Variants in KLHL1 observed in about 807,000 individuals in gnomAD.
The protein encoded by KLHL1 is kelch-like protein 1.
Under a neutral mutation model 77.7 loss-of-function variants are expected in KLHL1, and 47 were observed. The ratio of observed to expected loss-of-function variants is 0.60; its 90% CI spans 0.48 to 0.77. KLHL1 has a LOEUF of 0.77. Among genes scored for constraint, KLHL1 ranks in the 30% least tolerant of loss-of-function variants. The probability of loss-of-function intolerance (pLI) is 0.00; values close to 1 mark genes in which losing one functional copy is unlikely to be tolerated. For synonymous variants in KLHL1, 360 were observed against 325.2 expected (o/e 1.11, Z -1.15); for missense variants, 925 against 910.8 (o/e 1.02, Z -0.20).
At chr13:69,854,164 G>T (rs892292400) in intron 5 of KLHL1, among the ~76,000 whole-genome samples, 6 of 152,040 alleles carry the variant, frequency 3.9e-5, no homozygotes, top group Non-Finnish European at 7.4e-5. Flanking sequence ...TGCTAGAATT[G>T]AATACCTGAG....
Position 69,739,467 on chromosome 13 carries a change from A to G in KLHL1, c.1802+927T>C, listed in dbSNP as rs115363760. ...AAAGACACAGAATGGCAAGCTGGAT[A>G]GAGTCAAGATTCATTGGTGTGCTGT... On this transcript the variant is annotated intron_variant, in intron 8 of 10. Coordinates refer to ENST00000377844, the MANE Select transcript of KLHL1 (RefSeq NM_020866.3). 6.3e-3 allele frequency among the ~76,000 whole-genome samples: 954 copies of G among 152,338 alleles called. 7 individuals are homozygous for G. Among genetic ancestry groups the G allele is most frequent in the African/African-American group, 0.022 (898 of 41,572 alleles).
At chr13:69,927,955 T>C (rs1042217382) in intron 4 of KLHL1, among the ~76,000 whole-genome samples, 2 of 152,234 alleles carry the variant, frequency 1.3e-5, no homozygotes, top group African/African-American at 4.8e-5. Context: ...GCAGTCAAGC[T>C]ATCCTCACAG....
chr13:69,868,466 C>T (rs1880456229), intron 5 of KLHL1, among the ~76,000 whole-genome samples: 1 of 151,840 alleles, frequency 6.6e-6, no homozygotes, highest in Non-Finnish European at 1.5e-5. Flanking sequence ...CAGTAAACAA[C>T]AATTATGTAA....
chr13:69,705,407 T>C (rs542550289), intron 10 of KLHL1, among the ~76,000 whole-genome samples: 6 of 151,870 alleles, frequency 4.0e-5, no homozygotes, highest in African/African-American at 1.2e-4. Context: ...TGAGTTTTTT[T>C]CCAAATATTC....
At chr13:69,739,881 C>T (rs1033212810) in intron 8 of KLHL1, among the ~76,000 whole-genome samples, 1 of 152,002 alleles carries the variant, frequency 6.6e-6, no homozygotes, top group Non-Finnish European at 1.5e-5. Context: ...GATATTTTTG[C>T]GTGTCACAAT....
At chr13:70,072,111 A>G (rs1338896668) in intron 1 of KLHL1, among the ~76,000 whole-genome samples, 1 of 152,092 alleles carries the variant, frequency 6.6e-6, no homozygotes, top group African/African-American at 2.4e-5. Flanking sequence ...GAAATAAAAG[A>G]GGGGCCATCA....
intron 7 of KLHL1, among the ~76,000 whole-genome samples, chr13:69,751,430 A>T (rs1874474608): frequency 6.6e-6 from 1 of 152,066 alleles, no homozygotes; most frequent in Non-Finnish European, 1.5e-5. Context: ...GACAAAAAAA[A>T]TGGTTCTTGT....
At chr13:69,913,917 T>C (rs1337962183) in intron 4 of KLHL1, among the ~76,000 whole-genome samples, 1 of 152,160 alleles carries the variant, frequency 6.6e-6, no homozygotes, top group Admixed American at 6.5e-5. Context: ...GTCAGTGGAC[T>C]GGGAAAGGCA....
intron 1 of KLHL1, among the ~76,000 whole-genome samples, chr13:70,007,992 T>C (rs932075069): frequency 6.6e-6 from 1 of 152,072 alleles, no homozygotes; most frequent in African/African-American, 2.4e-5. Context: ...TAATTTTATA[T>C]TGAAAATTAA....
intron 1 of KLHL1, among the ~76,000 whole-genome samples, chr13:70,050,958 C>T (rs1040577086): frequency 6.6e-6 from 1 of 151,996 alleles, no homozygotes; most frequent in African/African-American, 2.4e-5. Flanking sequence ...CTTTCTCTAA[C>T]TTCATACTTA....
intron 5 of KLHL1, among the ~76,000 whole-genome samples, chr13:69,869,746 T>C (rs1880508461): frequency 6.6e-6 from 1 of 152,314 alleles, no homozygotes; most frequent in East Asian, 1.9e-4. Context: ...TTTCAACATA[T>C]GTGTGAGAAA....
chr13:69,865,498 G>A (rs910655253), intron 5 of KLHL1, among the ~76,000 whole-genome samples: 2 of 152,094 alleles, frequency 1.3e-5, no homozygotes, highest in Non-Finnish European at 2.9e-5. Flanking sequence ...TGAACATTAG[G>A]ATTTAATTTG....
rs564929671 is a variant in KLHL1, at chr13:69,801,032, C to T, written c.1415-4070G>A. ...CAAGGTGAAGTCGAATTACTCTGTG[C>T]GTAGAATATACATTATTCGGGTGAT... On this transcript the variant is annotated intron_variant, in intron 6 of 10. Coordinates refer to ENST00000377844, the MANE Select transcript of KLHL1 (RefSeq NM_020866.3). Among the ~76,000 whole-genome samples, 12 of 152,268 alleles carry T rather than the reference C, an allele frequency of 7.9e-5. No homozygotes were observed. In the South Asian group the frequency reaches 2.5e-3, roughly 32 times the overall value.
intron 3 of KLHL1, among the ~76,000 whole-genome samples, chr13:69,949,036 T>A (rs1883620377): frequency 6.6e-6 from 1 of 151,888 alleles, no homozygotes; most frequent in South Asian, 2.1e-4. Context: ...TACTTCTAGA[T>A]TTACAGAAAA....
At chr13:69,822,597 T>C (rs552221859) in intron 6 of KLHL1, among the ~76,000 whole-genome samples, 9 of 152,158 alleles carry the variant, frequency 5.9e-5, no homozygotes, top group Non-Finnish European at 1.2e-4. Flanking sequence ...GTAGAGATTC[T>C]TGAGTCACTT....
chr13:69,884,821 T>C (rs1881136348), intron 4 of KLHL1, among the ~76,000 whole-genome samples: 1 of 152,162 alleles, frequency 6.6e-6, no homozygotes, highest in Admixed American at 6.5e-5. Flanking sequence ...TCCAGAAAAC[T>C]TAGAGTCAAA....
chr13:70,001,690 TATC>T (rs1885295815), intron 1 of KLHL1, among the ~76,000 whole-genome samples: 1 of 150,980 alleles, frequency 6.6e-6, no homozygotes, highest in Non-Finnish European at 1.5e-5. Context: ...TCTATCTATC[TATC>T]TATCATCTTT....
rs879930350 is a variant in KLHL1, at chr13:69,855,373, T to TACAG, written c.1228-16212_1228-16211insCTGT. Reference sequence around the variant, plus strand: ...ACAGACAGATAGATACATAGAGAGATAGATCTATAGATAGAGATAGAGATA... The same window carrying TACAG: ...ACAGACAGATAGATACATAGAGAGATACAGAGATCTATAGATAGAGATAGAGATA... On this transcript the variant is annotated intron_variant, in intron 5 of 10. Transcript: ENST00000377844. 4.2e-3 allele frequency among the ~76,000 whole-genome samples: 629 copies of TACAG among 150,974 alleles called. 12 individuals are homozygous for TACAG. The highest frequency in any genetic ancestry group is 0.015 in the African/African-American group (604 of 40,932).
chr13:69,730,393 T>C (rs527919839), intron 8 of KLHL1, among the ~76,000 whole-genome samples: 1 of 152,186 alleles, frequency 6.6e-6, no homozygotes, highest in Admixed American at 6.5e-5. Context: ...TAATGAGATA[T>C]CCATTTTAAA....
Sources: gnomAD v4.1 joint callset for allele counts (sites outside exome capture counted in the v4.1 genomes callset) on GRCh38, gnomAD v4.1.1 for gene constraint, MANE v1.5 for transcripts, NCBI Gene and HGNC (gene_info 2026-07-23, HGNC 2026-07-21) for gene names.